Variants in STX19 observed in about 807,000 individuals in gnomAD.
STX19 encodes the protein syntaxin 19, also known as syntaxin-19.
STX19 carries 26 observed loss-of-function variants against 24.3 expected under a neutral mutation model. The observed-to-expected ratio is 1.07, with a 90% CI of 0.78 to 1.48. STX19 has a LOEUF of 1.48. STX19 is among the 40% of genes most tolerant of loss of function. The pLI, the probability that STX19 is intolerant of heterozygous loss-of-function variation, is 0.00. For synonymous variants in STX19, 116 were observed against 106.9 expected (o/e 1.09, Z -0.52); for missense variants, 367 against 331.9 (o/e 1.11, Z -0.82).
Position 94,015,062 on chromosome 3 carries a change from T to A in STX19, c.208A>T (p.Lys70Ter). The change falls in exon 2 of 2, where the codon AAA (lysine) becomes TAA (stop). Residue 70 changes from lysine (K) to a stop codon, truncating the protein, a stop_gained. Transcript: ENST00000315099. LOFTEE classifies it high-confidence loss of function. ...SINNLADNVQ[K>*]FGQQQKSLVA... ...AGACTTTTCTGTTGCTGCCCAAATTTTTGAACATTATCTGCCAAATTGTTA... is the reference window on the plus strand; with the variant it reads ...AGACTTTTCTGTTGCTGCCCAAATTATTGAACATTATCTGCCAAATTGTTA... 2 of 1,614,024 alleles carry A rather than the reference T, an allele frequency of 1.2e-6. No homozygotes were observed. Among genetic ancestry groups the A allele is most frequent in the Non-Finnish European group, 1.7e-6 (2 of 1,179,944 alleles).
chr3:94,018,419 TC>T (rs2076377867), intron 1 of STX19, among the ~76,000 whole-genome samples: 1 of 152,172 alleles, frequency 6.6e-6, no homozygotes, highest in Non-Finnish European at 1.5e-5. Flanking sequence ...AAAGTATTTC[TC>T]CTGTTTTTTT....
Position 94,020,637 on chromosome 3 carries a change from G to A in STX19, c.-13-5355C>T, listed in dbSNP as rs139994135. Among the ~76,000 whole-genome samples the A allele has an allele frequency of 4.7e-3, 708 of 152,210 alleles. 1 individual carries two copies. Among genetic ancestry groups the A allele is most frequent in the Middle Eastern group, 0.014 (4 of 294 alleles). Reference sequence around the variant, plus strand: ...AAATCTGTTTGTGTCAGGAAAAGGTGTTTTATAGATATTAAAAGTTTATTC... The same window carrying A: ...AAATCTGTTTGTGTCAGGAAAAGGTATTTTATAGATATTAAAAGTTTATTC... On this transcript the variant is annotated intron_variant, in intron 1 of 1. Coordinates refer to ENST00000315099, the MANE Select transcript of STX19 (RefSeq NM_001001850.3).
chr3:94,017,215 G>C (rs2076351967), intron 1 of STX19, among the ~76,000 whole-genome samples: 1 of 152,206 alleles, frequency 6.6e-6, no homozygotes. Flanking sequence ...TAAAAGAGAA[G>C]ATGTAGGGTG....
intron 1 of STX19, among the ~76,000 whole-genome samples, chr3:94,020,632 A>G (rs1176034995): frequency 6.6e-6 from 1 of 152,152 alleles, no homozygotes; most frequent in East Asian, 1.9e-4. Context: ...GTGTCAGGAA[A>G]AGGTGTTTTA....
chr3:94,021,508 A>C (rs549510834), intron 1 of STX19, among the ~76,000 whole-genome samples: 1 of 152,172 alleles, frequency 6.6e-6, no homozygotes, highest in Admixed American at 6.5e-5. Context: ...TATTGTATAA[A>C]ATATTTGATG....
chr3:94,023,111 AGTGTACCATAGCT>A (rs893762282), intron 1 of STX19, among the ~76,000 whole-genome samples: 111 of 151,880 alleles, frequency 7.3e-4, no homozygotes, highest in African/African-American at 2.6e-3. Flanking sequence ...TTGATTTGGG[AGTGTACCATAGCT>A]CCTTTTCAAA....
chr3:94,015,296 A>T lies in STX19; in HGVS notation c.-13-14T>A, dbSNP rs1559986071. 1.3e-6 allele frequency: 2 copies of T among 1,499,500 alleles called. No individual in the cohort carries two copies. Among genetic ancestry groups the T allele is most frequent in the Non-Finnish European group, 8.8e-7 (1 of 1,131,846 alleles). 92.9% of individuals were successfully genotyped at this position (1,499,500 alleles called of 1,614,324 possible). A position where few individuals can be genotyped will look rare whatever the true frequency, so the allele number is the denominator to read the frequency against. ...TTCCCTTTCCTCCTAAGAAGCAAAA[A>T]TTTTTGTGTTGAACAAGTAGAAATT... On this transcript the variant is annotated splice_polypyrimidine_tract_variant and intron_variant, in intron 1 of 1. Transcript: ENST00000315099.
intron 1 of STX19, among the ~76,000 whole-genome samples, chr3:94,026,941 G>A (rs2076570124): frequency 1.3e-5 from 2 of 152,184 alleles, no homozygotes; most frequent in Admixed American, 1.3e-4. Flanking sequence ...GTAAACTGGT[G>A]CGACTCAAAT....
chr3:94,014,824 A>C lies in STX19; in HGVS notation c.446T>G (p.Phe149Cys), dbSNP rs947921801. The change falls in exon 2 of 2, where the codon TTT (phenylalanine) becomes TGT (cysteine). Residue 149 changes from phenylalanine (F) to cysteine (C), a missense_variant. Coordinates refer to ENST00000315099, the MANE Select transcript of STX19 (RefSeq NM_001001850.3). The stretch of plus-strand genomic sequence containing the variant: ...TGCTGCTATTGTGTCATTGTATATA[A>C]ACATGATTTGCTGAAAATGGCGGAA... ...AMFRHFQQIM[F>C]IYNDTIAAKQ... The C allele has an allele frequency of 1.2e-6, 2 of 1,613,994 alleles. No homozygotes were observed. Among genetic ancestry groups the C allele is most frequent in the East Asian group, 2.2e-5 (1 of 44,878 alleles).
intron 1 of STX19, among the ~76,000 whole-genome samples, chr3:94,020,742 G>A (rs1273241864): frequency 6.6e-6 from 1 of 152,124 alleles, no homozygotes; most frequent in Admixed American, 6.6e-5. Context: ...ACATTTAAGA[G>A]CAAGTTTTTG....
intron 1 of STX19, among the ~76,000 whole-genome samples, chr3:94,025,788 A>G (rs1236306877): frequency 6.6e-6 from 1 of 152,176 alleles, no homozygotes; most frequent in Non-Finnish European, 1.5e-5. Flanking sequence ...ACTTCCTGCT[A>G]TAATCCTGGG....
At chr3:94,024,088 C>G (rs1332839514) in intron 1 of STX19, among the ~76,000 whole-genome samples, 1 of 152,070 alleles carries the variant, frequency 6.6e-6, no homozygotes, top group Non-Finnish European at 1.5e-5. Flanking sequence ...TTTCTGTTTC[C>G]TTCTCTTGTA....
Position 94,015,126 on chromosome 3 carries a change from C to T in STX19, c.144G>A (p.Glu48=), listed in dbSNP as rs748441794. ...GTTTTTGGATTTCATGTAGGTGTCT[C>T]TCAGCTACAGGCTCTCTTTCATAAA... ...AVIYEREPVA[E]RHLHEIQKLQ... is the part of the protein sequence containing the mutation. The change falls in exon 2 of 2, where the codon GAG becomes GAA. Residue 48 remains glutamate (E), a synonymous_variant. Transcript: ENST00000315099. 2 of 1,613,944 alleles carry T rather than the reference C, an allele frequency of 1.2e-6. No homozygotes were observed. The highest frequency in any genetic ancestry group is 1.7e-6 in the Non-Finnish European group (2 of 1,179,934).
chr3:94,023,921 T>C (rs928289738), intron 1 of STX19, among the ~76,000 whole-genome samples: 2 of 152,190 alleles, frequency 1.3e-5, no homozygotes, highest in Admixed American at 6.5e-5. Flanking sequence ...TCAGACCAAA[T>C]TGATCACTTT....
intron 1 of STX19, among the ~76,000 whole-genome samples, chr3:94,017,465 T>C (rs2107502103): frequency 6.6e-6 from 1 of 152,324 alleles, no homozygotes; most frequent in East Asian, 1.9e-4. Flanking sequence ...GGCAGGCATG[T>C]TACAGAAATG....
intron 1 of STX19, among the ~76,000 whole-genome samples, chr3:94,017,037 A>G (rs955865277): frequency 2.6e-5 from 4 of 152,162 alleles, no homozygotes; most frequent in Admixed American, 2.0e-4. Context: ...TGCCAACTCT[A>G]TGCTATTCAG....
intron 1 of STX19, among the ~76,000 whole-genome samples, chr3:94,024,362 GAA>G (rs1419175661): frequency 2.6e-5 from 4 of 152,216 alleles, no homozygotes; most frequent in Non-Finnish European, 5.9e-5. Flanking sequence ...GAGAGAAAGA[GAA>G]AGTGGCATCA....
At chr3:94,021,931 G>C (rs1166325611) in intron 1 of STX19, among the ~76,000 whole-genome samples, 3 of 151,892 alleles carry the variant, frequency 2.0e-5, no homozygotes, top group Non-Finnish European at 4.4e-5. Context: ...AGGTTAACAA[G>C]TCAAGTCATG....
chr3:94,021,839 C>T (rs370870816), intron 1 of STX19, among the ~76,000 whole-genome samples: 5 of 152,172 alleles, frequency 3.3e-5, no homozygotes, highest in East Asian at 1.9e-4. Flanking sequence ...GATACCATGT[C>T]GCATTTAATA....
Sources: allele counts gnomAD v4.1 joint callset (sites outside exome capture counted in the v4.1 genomes callset), GRCh38; gene constraint gnomAD v4.1.1; transcripts MANE v1.5; gene names NCBI Gene and HGNC (gene_info 2026-07-23, HGNC 2026-07-21).